GAB2: variants seen among roughly 807,000 people sequenced by gnomAD.
GAB2 encodes the protein GRB2-associated-binding protein 2.
In GAB2, 26 loss-of-function variants were observed where a neutral mutation model predicts 65.5. The ratio of observed to expected loss-of-function variants is 0.40; its 90% CI spans 0.29 to 0.55. The LOEUF (loss-of-function observed/expected upper bound fraction) is 0.55, where lower values mean the gene tolerates loss of function less well. Among genes scored for constraint, GAB2 ranks in the 20% least tolerant of loss-of-function variants. The pLI, the probability that GAB2 is intolerant of heterozygous loss-of-function variation, is 0.53. For synonymous variants in GAB2, 321 were observed against 329.6 expected, an observed-to-expected ratio of 0.97 and a Z score of 0.28; for missense variants, 884 against 875.8, an observed-to-expected ratio of 1.01 and a Z score of -0.12.
chr11:78,376,355 A>G (rs1856630934), intron 1 of GAB2, among the ~76,000 whole-genome samples: 1 of 152,212 alleles, frequency 6.6e-6, no homozygotes, highest in Admixed American at 6.5e-5. Flanking sequence ...CTTGCTGTGT[A>G]CCAGATACTA....
At chr11:78,266,255 T>C (rs1393393567) in intron 2 of GAB2, among the ~76,000 whole-genome samples, 1 of 149,702 alleles carries the variant, frequency 6.7e-6, no homozygotes, top group Non-Finnish European at 1.5e-5. Flanking sequence ...GGATATTTAC[T>C]GGGCAGCTAC....
chr11:78,341,092 T>C (rs1430640192), intron 1 of GAB2, among the ~76,000 whole-genome samples: 1 of 152,244 alleles, frequency 6.6e-6, no homozygotes, highest in Admixed American at 6.5e-5. Context: ...CCAGTTCAGC[T>C]AGAAGCTCCT....
At chr11:78,354,293 AT>A (rs1364021379) in intron 1 of GAB2, among the ~76,000 whole-genome samples, 1 of 152,170 alleles carries the variant, frequency 6.6e-6, no homozygotes, top group African/African-American at 2.4e-5. Flanking sequence ...CTCAAGTCTT[AT>A]TGCTTACTTC....
rs367595689 is a variant in GAB2, at chr11:78,233,897, C to T, written c.621-6846G>A. Among the ~76,000 whole-genome samples the T allele has an allele frequency of 3.3e-5, 5 of 152,178 alleles. No homozygotes were observed. In the East Asian group the frequency reaches 5.8e-4, roughly 18 times the overall value. On this transcript the variant is annotated intron_variant, in intron 3 of 9. Transcript: ENST00000361507. Reference sequence around the variant, plus strand: ...AAGTGCTGAGATTACAGGCGTGGGCCACCACGCCCAGCCCATTTTCTTTTC... The same window carrying T: ...AAGTGCTGAGATTACAGGCGTGGGCTACCACGCCCAGCCCATTTTCTTTTC...
At chr11:78,255,734 T>G (rs1268708051) in intron 2 of GAB2, among the ~76,000 whole-genome samples, 8 of 152,336 alleles carry the variant, frequency 5.3e-5, no homozygotes, top group Non-Finnish European at 1.5e-5. Context: ...TGGAGTACAT[T>G]CTACATGGCC....
At chr11:78,327,614 G>A (rs986571997) in intron 1 of GAB2, among the ~76,000 whole-genome samples, 6 of 152,156 alleles carry the variant, frequency 3.9e-5, no homozygotes, top group African/African-American at 4.8e-5. Context: ...AGGAAAACAT[G>A]AGAATGAAAA....
rs561122735 is a variant in GAB2 at position 78,387,709 on chromosome 11, C to T, written c.75+29937G>A. 8.5e-5 allele frequency among the ~76,000 whole-genome samples: 13 copies of T among 152,302 alleles called. No homozygotes were observed. In the South Asian group the frequency reaches 2.7e-3, roughly 32 times the overall value. On this transcript the variant is annotated intron_variant, in intron 1 of 9. Transcript: ENST00000361507. ...AGCTTTACTCACAATCTGCCAACTACCTCATGTAGAAAGTGAGGCTCAAAG... is the reference window on the plus strand; with the variant it reads ...AGCTTTACTCACAATCTGCCAACTATCTCATGTAGAAAGTGAGGCTCAAAG...
chr11:78,232,401 G>A (rs1227825228), intron 3 of GAB2, among the ~76,000 whole-genome samples: 2 of 152,148 alleles, frequency 1.3e-5, no homozygotes, highest in Admixed American at 6.5e-5. Context: ...GACAGACACT[G>A]GCTAGAATCT....
intron 1 of GAB2, among the ~76,000 whole-genome samples, chr11:78,336,795 G>C (rs1029460159): frequency 6.6e-6 from 1 of 152,148 alleles, no homozygotes; most frequent in Non-Finnish European, 1.5e-5. Flanking sequence ...GGAACATTAA[G>C]TGGCCAAAGG....
intron 3 of GAB2, among the ~76,000 whole-genome samples, chr11:78,246,759 A>G (rs1865309422): frequency 6.6e-6 from 1 of 152,136 alleles, no homozygotes; most frequent in African/African-American, 2.4e-5. Context: ...TCAGCCTCCC[A>G]AAGTGCTAGA....
chr11:78,242,197 G>GA (rs1865151817), intron 3 of GAB2, among the ~76,000 whole-genome samples: 1 of 152,188 alleles, frequency 6.6e-6, no homozygotes, highest in Non-Finnish European at 1.5e-5. Flanking sequence ...ATGGGTCAAT[G>GA]AAAAAATTAA....
chr11:78,369,397 T>C (rs1856539320), intron 1 of GAB2, among the ~76,000 whole-genome samples: 1 of 152,228 alleles, frequency 6.6e-6, no homozygotes, highest in Admixed American at 6.5e-5. Flanking sequence ...TAAAATGTAA[T>C]GGAATAGCTC....
chr11:78,370,363 C>CAT (rs1856551805), intron 1 of GAB2, among the ~76,000 whole-genome samples: 1 of 151,916 alleles, frequency 6.6e-6, no homozygotes. Context: ...GCACATTAAT[C>CAT]ATATGGTAGT....
chr11:78,300,456 C>A (rs1482505739), intron 1 of GAB2, among the ~76,000 whole-genome samples: 1 of 150,872 alleles, frequency 6.6e-6, no homozygotes, highest in African/African-American at 2.5e-5. Context: ...TTCATTTCTC[C>A]TGGTTAAATA....
rs570410264 is a variant in GAB2 at position 78,358,229 on chromosome 11, G to A, written c.75+59417C>T. Among the ~76,000 whole-genome samples, 55 of 148,228 alleles carry A rather than the reference G, an allele frequency of 3.7e-4. 1 individual carries two copies. The East Asian group carries it at 9.0e-3, about 24-fold the overall frequency. ...CAAACACCGCATGTTCTCACTCATA[G>A]GTGGGAATTGAACAATGAGAACACT... is the stretch of plus-strand genomic sequence containing the variant. On this transcript the variant is annotated intron_variant, in intron 1 of 9. Coordinates refer to ENST00000361507, the MANE Select transcript of GAB2 (RefSeq NM_080491.3).
rs149019971 is a variant in GAB2, at chr11:78,252,302, C to A, written c.377-1902G>T. Among the ~76,000 whole-genome samples the A allele has an allele frequency of 4.0e-3, 607 of 152,332 alleles. 18 individuals are homozygous for A. Among genetic ancestry groups the A allele is most frequent in the Admixed American group, 0.032 (483 of 15,310 alleles). ...CTTTTCCATTGACAGCTGTATTGACCCCCAAAATTAACTCCCATTACAAGT... is the reference window on the plus strand; with the variant it reads ...CTTTTCCATTGACAGCTGTATTGACACCCAAAATTAACTCCCATTACAAGT... On this transcript the variant is annotated intron_variant, in intron 2 of 9. Coordinates refer to ENST00000361507, the MANE Select transcript of GAB2 (RefSeq NM_080491.3).
At chr11:78,362,715 C>T (rs371600598) in intron 1 of GAB2, among the ~76,000 whole-genome samples, 1 of 152,044 alleles carries the variant, frequency 6.6e-6, no homozygotes, top group Non-Finnish European at 1.5e-5. Flanking sequence ...TAGCTACATA[C>T]TGTTTTTTAA....
intron 2 of GAB2, among the ~76,000 whole-genome samples, chr11:78,263,696 T>G (rs1285660769): frequency 3.3e-5 from 5 of 151,308 alleles, no homozygotes; most frequent in Non-Finnish European, 5.9e-5. Flanking sequence ...CAAGCTTAAA[T>G]CACCAGCTTG....
At position 78,219,374 on chromosome 11, in the gene GAB2, G is replaced by A. The variant is rs114715848; in HGVS notation, c.1929C>T (p.Tyr643=). ...GGGTCTTCTCCTTGTCCACCTGAAC[G>A]TAGTCCACCTTCTCATCAGAGGTGA... The part of the protein sequence containing the change: ...SSVTSDEKVD[Y]VQVDKEKTQA... Residue 643 remains tyrosine (Y), a synonymous_variant, in exon 10 of 10, where the codon TAC becomes TAT. Coordinates refer to ENST00000361507, the MANE Select transcript of GAB2 (RefSeq NM_080491.3). The A allele has an allele frequency of 3.6e-5, 58 of 1,613,784 alleles. No individual in the cohort carries two copies. In the East Asian group the frequency reaches 9.4e-4, roughly 26 times the overall value.
Sources: allele counts gnomAD v4.1 joint callset (sites outside exome capture counted in the v4.1 genomes callset), GRCh38; gene constraint gnomAD v4.1.1; transcripts MANE v1.5; gene names NCBI Gene and HGNC (gene_info 2026-07-23, HGNC 2026-07-21).